ACTR1A: variants seen among roughly 807,000 people sequenced by gnomAD.
ACTR1A encodes the protein actin related protein 1A, also known as alpha-centractin.
Under a neutral mutation model 50.7 loss-of-function variants are expected in ACTR1A, and 10 were observed. The observed-to-expected ratio is 0.20, with a 90% CI of 0.12 to 0.33. ACTR1A has a LOEUF of 0.33. ACTR1A is among the 10% of genes least tolerant of loss of function. The probability of loss-of-function intolerance (pLI) is 1.00; values close to 1 mark genes in which losing one functional copy is unlikely to be tolerated. For missense variants in ACTR1A, 253 were observed against 491.7 expected (o/e 0.51, Z 4.59); for synonymous variants, 177 against 184.2 (o/e 0.96, Z 0.32).
intron 1 of ACTR1A, among the ~76,000 whole-genome samples, chr10:102,495,755 A>AT (rs79530206): frequency 0.026 from 2,601 of 99,456 alleles, 110 homozygotes; most frequent in East Asian, 0.15. Flanking sequence ...TAAATACACA[A>AT]TTTTTTTTTT....
At chr10:102,486,006 G>A (rs2062166500) in intron 4 of ACTR1A, among the ~76,000 whole-genome samples, 1 of 152,098 alleles carries the variant, frequency 6.6e-6, no homozygotes, top group Non-Finnish European at 1.5e-5. Context: ...AGGCCCCTGT[G>A]TCTACTGTGT....
chr10:102,481,753 C>A (rs1392863473), intron 9 of ACTR1A, 84 bp downstream of exon 9: 2 of 1,529,480 alleles, frequency 1.3e-6, no homozygotes, highest in Non-Finnish European at 1.8e-6. Context: ...AGAGCTTGGG[C>A]AAAGCTAGAG....
At chr10:102,485,555 T>G in intron 5 of ACTR1A, 54 bp downstream of exon 5, 1 of 1,606,586 alleles carries the variant, frequency 6.2e-7, no homozygotes, top group Non-Finnish European at 8.5e-7. Flanking sequence ...CAGCCTCAGC[T>G]GTGCCAAAGG....
Position 102,479,653 on chromosome 10 carries a change from A to G in ACTR1A, c.*1210T>C, listed in dbSNP as rs911852923. ...GCAGGTCCAAGGTCAAGAATGGCAC[A>G]AGATCAGCCCAGAGGGGGCCTTCCC... On this transcript the variant is annotated 3_prime_UTR_variant, in exon 11 of 11. Coordinates refer to ENST00000369905, the MANE Select transcript of ACTR1A (RefSeq NM_005736.4). This position sits in a 1 kb window ranked among gnomAD's most constrained non-coding sequence, Gnocchi z 4.0. 13 of 1,289,374 alleles carry G rather than the reference A, an allele frequency of 1.0e-5. No homozygotes were observed. The Admixed American group carries it at 3.0e-4, about 30-fold the overall frequency. The allele number at this position is 1,289,374 out of a possible 1,614,324, so 79.9% of individuals were successfully genotyped here.
chr10:102,494,853 C>T (rs2062212597), intron 1 of ACTR1A, among the ~76,000 whole-genome samples: 2 of 152,148 alleles, frequency 1.3e-5, no homozygotes, highest in South Asian at 4.2e-4. Flanking sequence ...GCTCTGTCAC[C>T]CACCTAGAGT....
At chr10:102,502,537 G>T in intron 1 of ACTR1A, 63 bp downstream of exon 1, 6 of 1,588,726 alleles carry the variant, frequency 3.8e-6, no homozygotes, top group Middle Eastern at 1.7e-4. Context: ...CTGAACCCCG[G>T]GAAGCGATCC....
intron 1 of ACTR1A, 100 bp downstream of exon 1, chr10:102,502,500 C>T (rs1414130456): frequency 7.5e-6 from 10 of 1,328,296 alleles, no homozygotes; most frequent in Non-Finnish European, 1.1e-5. Context: ...ACAGGCCGGG[C>T]CAGTGACAAA....
intron 1 of ACTR1A, among the ~76,000 whole-genome samples, chr10:102,500,469 T>G (rs1004407621): frequency 7.2e-5 from 11 of 152,168 alleles, no homozygotes; most frequent in African/African-American, 2.6e-4. Context: ...CTCGGGAGGC[T>G]GAGGCAGGAG....
chr10:102,488,392 TC>T lies in ACTR1A; in HGVS notation c.190-118del. ...CAAAGAAGCCTCAGCTTCCTGAGCT[TC>T]CACCCTGCTGTCCTTGCCCAGGGCT... On this transcript the variant is annotated intron_variant, in intron 3 of 10. Coordinates refer to ENST00000369905, the MANE Select transcript of ACTR1A (RefSeq NM_005736.4). The surrounding 1 kb of genome is among the most constrained non-coding windows in gnomAD (Gnocchi z 4.4). The T allele has an allele frequency of 7.0e-7, 1 of 1,437,274 alleles. No homozygotes were observed. Among genetic ancestry groups the T allele is most frequent in the Non-Finnish European group, 9.6e-7 (1 of 1,042,154 alleles). The allele number at this position is 1,437,274 out of a possible 1,614,324, so 89.0% of individuals were successfully genotyped here.
At chr10:102,486,526 C>T (rs547918729) in intron 4 of ACTR1A, among the ~76,000 whole-genome samples, 70 of 152,170 alleles carry the variant, frequency 4.6e-4, no homozygotes, top group Middle Eastern at 3.4e-3. Context: ...CCCGTCTCTA[C>T]TAAAAATACA....
At chr10:102,481,218 G>A (rs1032816610) in intron 9 of ACTR1A, 46 bp from the exon 10 acceptor site, 11 of 1,527,022 alleles carry the variant, frequency 7.2e-6, no homozygotes, top group African/African-American at 2.8e-5. Flanking sequence ...CAGCCCTCCC[G>A]CTCCCTTTCC....
chr10:102,479,781 C>G lies in ACTR1A; in HGVS notation c.*1082G>C. 1 of 897,986 alleles carries G rather than the reference C, an allele frequency of 1.1e-6. No individual in the cohort carries two copies. 55.6% of individuals were successfully genotyped at this position (897,986 alleles called of 1,614,324 possible). A position where few individuals can be genotyped will look rare whatever the true frequency, so the allele number is the denominator to read the frequency against. ...GGGCACTGGCTCTCCAACACCCCTCCCTTGCTTAGGGGCCTCTGCCAAAGA... is the reference window on the plus strand; with the variant it reads ...GGGCACTGGCTCTCCAACACCCCTCGCTTGCTTAGGGGCCTCTGCCAAAGA... On this transcript the variant is annotated 3_prime_UTR_variant, in exon 11 of 11. Coordinates refer to ENST00000369905, the MANE Select transcript of ACTR1A (RefSeq NM_005736.4). This position sits in a 1 kb window ranked among gnomAD's most constrained non-coding sequence, Gnocchi z 4.0.
Position 102,481,877 on chromosome 10 carries a change from C to T in ACTR1A, c.947G>A (p.Ser316Asn), listed in dbSNP as rs1135145. 2 of 1,612,678 alleles carry T rather than the reference C, an allele frequency of 1.2e-6. No individual in the cohort carries two copies. The highest frequency in any genetic ancestry group is 1.7e-6 in the Non-Finnish European group (2 of 1,180,040). ...TTTTGGAGCTAGTTTCTTCACTTCA[C>T]TCAGGAGCCTGTCACCAAAACCTGA... ...LFKGFGDRLL[S>N]EVKKLAPKDV... Residue 316 changes from serine (S) to asparagine (N), a missense_variant, in exon 9 of 11, where the codon AGT (serine) becomes AAT (asparagine). Physicochemically the swap from Ser to Asn is conservative, Grantham distance 46 (BLOSUM62 1). Transcript: ENST00000369905.
At chr10:102,498,870 T>C (rs2062234505) in intron 1 of ACTR1A, among the ~76,000 whole-genome samples, 1 of 152,174 alleles carries the variant, frequency 6.6e-6, no homozygotes, top group Non-Finnish European at 1.5e-5. Context: ...TATCTTACAC[T>C]ATTCTCTATG....
At position 102,487,747 on chromosome 10, in the gene ACTR1A, T is replaced by C. The variant is rs529173972; in HGVS notation, c.315+403A>G. On this transcript the variant is annotated intron_variant, in intron 4 of 10. Coordinates refer to ENST00000369905, the MANE Select transcript of ACTR1A (RefSeq NM_005736.4). ...CCCGGGTTCACGCCATTCTCCTGCC[T>C]CAGCCTCCGGAGTAGCTGGGACTAC... Among the ~76,000 whole-genome samples the C allele has an allele frequency of 4.0e-5, 6 of 150,172 alleles. No homozygotes were observed. In the East Asian group the frequency reaches 1.2e-3, roughly 30 times the overall value.
Position 102,488,331 on chromosome 10 carries a change from T to A in ACTR1A, c.190-56A>T, listed in dbSNP as rs2062178670. ...AGTCAGGCTCCACCCAGGACCCTGTTCTCCCAAGACTAAGCAGTGCAAGCT... is the reference window on the plus strand; with the variant it reads ...AGTCAGGCTCCACCCAGGACCCTGTACTCCCAAGACTAAGCAGTGCAAGCT... On this transcript the variant is annotated intron_variant, in intron 3 of 10. Transcript: ENST00000369905. This position sits in a 1 kb window ranked among gnomAD's most constrained non-coding sequence, Gnocchi z 4.4. The A allele has an allele frequency of 3.8e-6, 6 of 1,593,526 alleles. No homozygotes were observed. The South Asian group carries it at 5.5e-5, about 15-fold the overall frequency.
chr10:102,489,199 G>C, intron 2 of ACTR1A, 61 bp from the exon 3 acceptor site: 1 of 1,267,300 alleles, frequency 7.9e-7, no homozygotes, highest in Non-Finnish European at 1.1e-6. Flanking sequence ...CAGGAAGGAT[G>C]TATAGATGTA....
rs554634326 is a variant in ACTR1A at position 102,499,544 on chromosome 10, C to G, written c.48+3056G>C. Among the ~76,000 whole-genome samples, 3 of 152,140 alleles carry G rather than the reference C, an allele frequency of 2.0e-5. No homozygotes were observed. In the East Asian group the frequency reaches 5.8e-4, roughly 29 times the overall value. ...TGTAATGCATTTCGAAACATACTACCAGGAAAGAGAAAGAAAAAAATTAAG... is the reference window on the plus strand; with the variant it reads ...TGTAATGCATTTCGAAACATACTACGAGGAAAGAGAAAGAAAAAAATTAAG... On this transcript the variant is annotated intron_variant, in intron 1 of 10. Transcript: ENST00000369905.
At chr10:102,489,883 C>T (rs534497994) in intron 2 of ACTR1A, among the ~76,000 whole-genome samples, 1 of 152,102 alleles carries the variant, frequency 6.6e-6, no homozygotes, top group South Asian at 2.1e-4. Flanking sequence ...CCTTTAAGCC[C>T]TTCCTGTAAG....
Sources: allele counts gnomAD v4.1 joint callset (sites outside exome capture counted in the v4.1 genomes callset), GRCh38; gene constraint gnomAD v4.1.1; non-coding constraint Gnocchi (gnomAD v3.1); transcripts MANE v1.5; gene names NCBI Gene and HGNC (gene_info 2026-07-23, HGNC 2026-07-21).